Variants in DENND4A observed in about 807,000 individuals in gnomAD.
DENND4A encodes the protein C-myc promoter-binding protein.
Under a neutral mutation model 199.3 loss-of-function variants are expected in DENND4A, and 70 were observed. The ratio of observed to expected loss-of-function variants is 0.35; its 90% CI spans 0.29 to 0.43. The LOEUF (loss-of-function observed/expected upper bound fraction) is 0.43, where lower values mean the gene tolerates loss of function less well. Ranked by LOEUF, DENND4A falls within the 20% of genes least tolerant of loss-of-function variation. The probability of loss-of-function intolerance (pLI) is 1.00; values close to 1 mark genes in which losing one functional copy is unlikely to be tolerated. For missense variants in DENND4A, 1,723 were observed against 2,255.8 expected (o/e 0.76, Z 4.78); for synonymous variants, 686 against 766.9 (o/e 0.89, Z 1.74).
At chr15:65,739,616 A>C (rs994594776) in intron 5 of DENND4A, among the ~76,000 whole-genome samples, 4 of 152,192 alleles carry the variant, frequency 2.6e-5, no homozygotes, top group Non-Finnish European at 5.9e-5. Context: ...AGACAGCCAC[A>C]AAGACAAAAA....
chr15:65,664,463 A>C, intron 31 of DENND4A, 69 bp from the exon 32 acceptor site: 1 of 1,517,096 alleles, frequency 6.6e-7, no homozygotes. Flanking sequence ...TAAAAAATTT[A>C]ATGCTATCAT....
At position 65,756,163 on chromosome 15, in the gene DENND4A, A is replaced by C. The variant is rs2076696643; in HGVS notation, c.288T>G (p.Asp96Glu). ...QIYLCYRRGRDKPPLTDLGVL... is the reference protein window; with the variant it reads ...QIYLCYRRGREKPPLTDLGVL... ...ACCCCAGATCTGTAAGTGGAGGCTT[A>C]TCTCTTCCTCTTCTATAGCAAAGGT... is the stretch of plus-strand genomic sequence containing the variant. The change falls in exon 3 of 33, where the codon GAT (aspartate) becomes GAG (glutamate). Residue 96 changes from aspartate to glutamate, a missense_variant. By Grantham distance (45) the Asp-to-Glu change is conservative. Around this residue, in one of 6 missense-constraint regions of DENND4A, gnomAD observed 725 missense variants for 952.9 expected, o/e 0.76. Transcript: ENST00000443035. 3 of 1,609,490 alleles carry C rather than the reference A, an allele frequency of 1.9e-6. No individual in the cohort carries two copies. The highest frequency in any genetic ancestry group is 1.7e-5 in the Admixed American group (1 of 59,322).
chr15:65,745,011 C>G (rs1167927561), intron 4 of DENND4A, among the ~76,000 whole-genome samples: 2 of 152,164 alleles, frequency 1.3e-5, no homozygotes, highest in Non-Finnish European at 1.5e-5. Flanking sequence ...TATTTTCCAA[C>G]TTTGGTTTCT....
intron 12 of DENND4A, among the ~76,000 whole-genome samples, chr15:65,721,572 G>A (rs2075645927): frequency 7.1e-6 from 1 of 140,128 alleles, no homozygotes; most frequent in African/African-American, 2.7e-5. Flanking sequence ...TGGACTTAAA[G>A]ATAGCTTTAA....
At chr15:65,701,619 A>T (rs539334728) in intron 18 of DENND4A, 143 bp downstream of exon 18, 11 of 763,664 alleles carry the variant, frequency 1.4e-5, no homozygotes, top group Non-Finnish European at 1.9e-5. Context: ...ATAAAAGAGA[A>T]CTAAAGTCTT....
intron 4 of DENND4A, among the ~76,000 whole-genome samples, chr15:65,752,130 G>C (rs1423686800): frequency 6.8e-5 from 10 of 147,488 alleles, no homozygotes; most frequent in African/African-American, 1.5e-4. Context: ...TAGTGGGCGG[G>C]GGGGGTGGGG....
intron 19 of DENND4A, 104 bp downstream of exon 19, chr15:65,700,947 A>C (rs1282875857): frequency 5.9e-5 from 78 of 1,320,264 alleles, no homozygotes; most frequent in Non-Finnish European, 7.5e-5. Context: ...TAAAACTAAA[A>C]ACTAAAACAT....
rs917251834 is a variant in DENND4A, at chr15:65,792,083, G to A, written c.-175C>T. The A allele has an allele frequency of 2.6e-5, 4 of 152,452 alleles. No homozygotes were observed. Among genetic ancestry groups the A allele is most frequent in the African/African-American group, 9.7e-5 (4 of 41,450 alleles). 9.4% of individuals were successfully genotyped at this position (152,452 alleles called of 1,614,324 possible). ...GCCGGAATCCCGCACGCGCGGTAGC[G>A]GAACACGAGGGGCTGAATGCCGCGG... On this transcript the variant is annotated 5_prime_UTR_variant, in exon 1 of 33. Coordinates refer to ENST00000443035, the MANE Select transcript of DENND4A (RefSeq NM_001320835.1).
Position 65,691,054 on chromosome 15 carries a change from T to C in DENND4A, c.3540A>G (p.Gly1180=). ...TCTTGGGATTTTGTGTAGCAACACA[T>C]CCTGCTTTTGATACATCTGTTTCAC... is the stretch of plus-strand genomic sequence containing the variant. ...LDSETDVSKA[G]CVATQNPKRI... is the part of the protein sequence containing the mutation. The change falls in exon 23 of 33, where the codon GGA becomes GGG. Residue 1180 remains glycine (G), a synonymous_variant. Coordinates refer to ENST00000443035, the MANE Select transcript of DENND4A (RefSeq NM_001320835.1). 1.2e-6 allele frequency: 2 copies of C among 1,612,938 alleles called. No homozygotes were observed. Among genetic ancestry groups the C allele is most frequent in the Non-Finnish European group, 1.7e-6 (2 of 1,179,436 alleles).
intron 7 of DENND4A, among the ~76,000 whole-genome samples, chr15:65,734,539 C>G (rs935875735): frequency 2.0e-5 from 3 of 152,002 alleles, no homozygotes; most frequent in Non-Finnish European, 4.4e-5. Context: ...TATACTTTGT[C>G]TCTGTGTTTT....
At chr15:65,668,209 T>TCA in intron 27 of DENND4A, 86 bp from the exon 28 acceptor site, 1 of 767,294 alleles carries the variant, frequency 1.3e-6, no homozygotes, top group Non-Finnish European at 1.9e-6. Flanking sequence ...TCTCTCTCTC[T>TCA]CTTTTTTTTT....
At chr15:65,752,766 G>T in intron 3 of DENND4A, 138 bp from the exon 4 acceptor site, 1 of 591,464 alleles carries the variant, frequency 1.7e-6, no homozygotes, top group Non-Finnish European at 2.8e-6. Context: ...TAAAATGCAC[G>T]GTCTTGTATG....
intron 11 of DENND4A, among the ~76,000 whole-genome samples, chr15:65,723,487 C>T (rs565570166): frequency 6.6e-6 from 1 of 152,108 alleles, no homozygotes; most frequent in South Asian, 2.1e-4. Context: ...ACCTATTATA[C>T]TAAATTACTT....
At chr15:65,771,440 G>A in intron 1 of DENND4A, 1 of 1,597,876 alleles carries the variant, frequency 6.3e-7, no homozygotes, top group South Asian at 1.1e-5. Flanking sequence ...CAAGTTTTCT[G>A]TCTGCGTTTT....
chr15:65,702,946 G>C lies in DENND4A; in HGVS notation c.2150C>G (p.Ala717Gly). 1 of 1,613,020 alleles carries C rather than the reference G, an allele frequency of 6.2e-7. No individual in the cohort carries two copies. Among genetic ancestry groups the C allele is most frequent in the South Asian group, 1.1e-5 (1 of 91,050 alleles). Residue 717 changes from alanine (A) to glycine (G), a missense_variant, in exon 16 of 33, where the codon GCA becomes GGA. By Grantham distance (60) the Ala-to-Gly change is moderately conservative. Coordinates refer to ENST00000443035, the MANE Select transcript of DENND4A (RefSeq NM_001320835.1). ...LFERPEGFLQ[A>G]KKNKLPSKSS... is the part of the protein sequence containing the mutation. The stretch of plus-strand genomic sequence containing the variant: ...TTTTGAAGGCAATTTGTTCTTCTTT[G>C]CTTGTAGAAATCCTTCAGGTCTTTC...
At chr15:65,674,727 C>G (rs188600237) in intron 24 of DENND4A, among the ~76,000 whole-genome samples, 2 of 148,810 alleles carry the variant, frequency 1.3e-5, no homozygotes, top group Non-Finnish European at 3.0e-5. Context: ...GAGTGAGACC[C>G]TATCTTAAAA....
chr15:65,745,325 G>C (rs952439587), intron 4 of DENND4A, among the ~76,000 whole-genome samples: 1 of 151,872 alleles, frequency 6.6e-6, no homozygotes, highest in African/African-American at 2.4e-5. Flanking sequence ...AATATGTCTG[G>C]CTATCTGCAA....
intron 1 of DENND4A, among the ~76,000 whole-genome samples, chr15:65,782,943 G>C (rs2077470662): frequency 6.8e-6 from 1 of 148,014 alleles, no homozygotes. Flanking sequence ...TAAACCTCAG[G>C]AAATACTACT....
At chr15:65,751,173 G>A (rs896083084) in intron 4 of DENND4A, among the ~76,000 whole-genome samples, 2 of 152,162 alleles carry the variant, frequency 1.3e-5, no homozygotes, top group Non-Finnish European at 2.9e-5. Context: ...TTATGGCTTA[G>A]ACTAGGGTTA....
Sources: gnomAD v4.1 joint callset for allele counts (sites outside exome capture counted in the v4.1 genomes callset) on GRCh38, gnomAD v4.1.1 for gene constraint, gnomAD v4.1.1 regional missense constraint, MANE v1.5 for transcripts, NCBI Gene and HGNC (gene_info 2026-07-23, HGNC 2026-07-21) for gene names.